Variants in SKAP2 observed in about 807,000 individuals in gnomAD.
SKAP2 encodes the protein src kinase-associated phosphoprotein 2.
A neutral mutation model predicts 54.9 loss-of-function variants in SKAP2; 28 were observed. That is an observed-to-expected ratio of 0.51 (90% CI 0.38 to 0.70). The LOEUF is 0.70. SKAP2 is among the 30% of genes least tolerant of loss of function. The probability of loss-of-function intolerance (pLI) is 0.00; values close to 1 mark genes in which losing one functional copy is unlikely to be tolerated. For missense variants in SKAP2, 356 were observed against 424.1 expected, an observed-to-expected ratio of 0.84 and a Z score of 1.41; for synonymous variants, 137 against 134.3, an observed-to-expected ratio of 1.02 and a Z score of -0.14.
intron 4 of SKAP2, among the ~76,000 whole-genome samples, chr7:26,775,262 C>T (rs1487243895): frequency 1.3e-5 from 2 of 152,118 alleles, no homozygotes; most frequent in Non-Finnish European, 2.9e-5. Flanking sequence ...AAAACATGAT[C>T]AAGTTCCCCT....
intron 4 of SKAP2, among the ~76,000 whole-genome samples, chr7:26,825,156 C>G (rs532670155): frequency 1.3e-5 from 2 of 152,220 alleles, no homozygotes; most frequent in East Asian, 3.9e-4. Context: ...AGAAAGCAAG[C>G]AAGCCGAGGG....
intron 4 of SKAP2, among the ~76,000 whole-genome samples, chr7:26,798,316 G>A (rs57618698): frequency 4.6e-5 from 7 of 151,768 alleles, no homozygotes; most frequent in African/African-American, 1.7e-4. Flanking sequence ...AACTAACCTA[G>A]AATACTAGAT....
intron 4 of SKAP2, among the ~76,000 whole-genome samples, chr7:26,812,927 A>G (rs1784184659): frequency 6.6e-6 from 1 of 151,872 alleles, no homozygotes; most frequent in Non-Finnish European, 1.5e-5. Flanking sequence ...ATCTTTTCTC[A>G]CTTGTTTCTT....
At chr7:26,766,065 A>G (rs139552692) in intron 4 of SKAP2, among the ~76,000 whole-genome samples, 6,884 of 152,246 alleles carry the variant, frequency 0.045, 385 homozygotes, top group East Asian at 0.29. Flanking sequence ...TTTGGGCAGT[A>G]TGACAATTTT....
chr7:26,677,010 A>T (rs1014384956), intron 11 of SKAP2, among the ~76,000 whole-genome samples: 1 of 152,352 alleles, frequency 6.6e-6, no homozygotes, highest in East Asian at 1.9e-4. Flanking sequence ...ATAAGGGAAA[A>T]GTGGTGTAAG....
At chr7:26,829,088 T>C (rs1301035570) in intron 4 of SKAP2, among the ~76,000 whole-genome samples, 2 of 152,050 alleles carry the variant, frequency 1.3e-5, no homozygotes, top group African/African-American at 4.8e-5. Flanking sequence ...TTAAACTTCG[T>C]CAAAATGCAA....
At chr7:26,733,063 G>A (rs560258551) in intron 6 of SKAP2, among the ~76,000 whole-genome samples, 17 of 151,860 alleles carry the variant, frequency 1.1e-4, no homozygotes, top group South Asian at 2.1e-4. Context: ...CCCGGGAGGC[G>A]GAGGTTGCAG....
At chr7:26,815,863 C>CCTGA (rs1193819084) in intron 4 of SKAP2, among the ~76,000 whole-genome samples, 1 of 152,004 alleles carries the variant, frequency 6.6e-6, no homozygotes, top group Non-Finnish European at 1.5e-5. Flanking sequence ...CATCTTAAGC[C>CCTGA]CTAGTCAATT....
At chr7:26,741,543 TA>T (rs1782454246) in intron 4 of SKAP2, among the ~76,000 whole-genome samples, 1 of 35,010 alleles carries the variant, frequency 2.9e-5, no homozygotes, top group African/African-American at 4.3e-4. Flanking sequence ...TGTCTCTAAA[TA>T]AATAAATAAA....
intron 4 of SKAP2, among the ~76,000 whole-genome samples, chr7:26,747,013 T>C (rs922868684): frequency 2.0e-5 from 3 of 152,164 alleles, no homozygotes; most frequent in African/African-American, 7.2e-5. Context: ...CTTCCCTCCA[T>C]GTGGGAAATT....
chr7:26,696,939 C>T (rs780837329), intron 9 of SKAP2, among the ~76,000 whole-genome samples: 3 of 152,138 alleles, frequency 2.0e-5, no homozygotes, highest in East Asian at 3.9e-4. Context: ...AATACCCATA[C>T]ACACACAAAT....
chr7:26,842,039 A>G (rs1366420788), intron 4 of SKAP2, among the ~76,000 whole-genome samples: 1 of 151,994 alleles, frequency 6.6e-6, no homozygotes, highest in Non-Finnish European at 1.5e-5. Context: ...TTGAAGAGAG[A>G]AAAACTGATA....
At chr7:26,729,574 G>T (rs1015968887) in intron 6 of SKAP2, among the ~76,000 whole-genome samples, 7 of 152,120 alleles carry the variant, frequency 4.6e-5, no homozygotes, top group African/African-American at 1.7e-4. Flanking sequence ...CAAATATGCT[G>T]TATAAGGAAG....
intron 4 of SKAP2, among the ~76,000 whole-genome samples, chr7:26,841,925 G>C (rs1584421557): frequency 6.6e-6 from 1 of 151,862 alleles, no homozygotes; most frequent in Non-Finnish European, 1.5e-5. Context: ...TATGCTTATT[G>C]TTAAATGCAT....
Position 26,738,801 on chromosome 7 carries a change from C to A in SKAP2, c.463G>T (p.Asp155Tyr). 1 of 1,578,286 alleles carries A rather than the reference C, an allele frequency of 6.3e-7. No individual in the cohort carries two copies. The highest frequency in any genetic ancestry group is 8.7e-7 in the Non-Finnish European group (1 of 1,148,470). ...AATTGAACACCAACATTACCTTTAT[C>A]ACTTCCATAATAATAGAATACCGTT... ...SKTVFYYYGS[D>Y]KDKQQKGEFA... The change falls in exon 6 of 13, where the codon GAT becomes TAT. Residue 155 changes from aspartate to tyrosine, a missense_variant. By Grantham distance (160) the Asp-to-Tyr change is radical. Coordinates refer to ENST00000345317, the MANE Select transcript of SKAP2 (RefSeq NM_003930.5).
chr7:26,718,353 T>C (rs1787505823), intron 9 of SKAP2, among the ~76,000 whole-genome samples: 1 of 151,882 alleles, frequency 6.6e-6, no homozygotes. Flanking sequence ...AGAAAGTAAA[T>C]AAAAAGGATC....
chr7:26,780,054 T>C (rs892079314), intron 4 of SKAP2, among the ~76,000 whole-genome samples: 11 of 152,034 alleles, frequency 7.2e-5, no homozygotes, highest in Non-Finnish European at 1.6e-4. Context: ...GTAAGGTATG[T>C]ACATGTGAGA....
intron 11 of SKAP2, among the ~76,000 whole-genome samples, chr7:26,675,455 GA>G (rs751035796): frequency 7.9e-5 from 12 of 152,088 alleles, no homozygotes; most frequent in Non-Finnish European, 1.3e-4. Context: ...TTCCTCAGTA[GA>G]TTTTACGTAC....
At chr7:26,771,064 T>C (rs1783179788) in intron 4 of SKAP2, among the ~76,000 whole-genome samples, 1 of 152,244 alleles carries the variant, frequency 6.6e-6, no homozygotes, top group Non-Finnish European at 1.5e-5. Context: ...AGTTATGATC[T>C]ATAACACAGC....
Sources: gnomAD v4.1 joint callset for allele counts (sites outside exome capture counted in the v4.1 genomes callset) on GRCh38, gnomAD v4.1.1 for gene constraint, MANE v1.5 for transcripts, NCBI Gene and HGNC (gene_info 2026-07-23, HGNC 2026-07-21) for gene names.